The following ATP8A2 variants were observed in gnomAD, a reference collection of about 807,000 sequenced individuals.
ATP8A2 encodes the protein ATPase phospholipid transporting 8A2.
A neutral mutation model predicts 165.6 loss-of-function variants in ATP8A2; 100 were observed. That is an observed-to-expected ratio of 0.60 (90% CI 0.51 to 0.71). ATP8A2 has a LOEUF of 0.71. Among genes scored for constraint, ATP8A2 ranks in the 30% least tolerant of loss-of-function variants. ATP8A2 has a pLI of 0.00. For missense variants in ATP8A2, 1,227 were observed against 1,479.5 expected, an observed-to-expected ratio of 0.83 and a Z score of 2.80; for synonymous variants, 543 against 548.8, an observed-to-expected ratio of 0.99 and a Z score of 0.15.
rs551069667 is a variant in ATP8A2 at position 25,512,316 on chromosome 13, A to G, written c.222-17683A>G. ...GACACGGCAACCATCCGATTTCTCA[A>G]TCTTTTCCCCACCTTTCCCCCCTTT... is the stretch of plus-strand genomic sequence containing the variant. On this transcript the variant is annotated intron_variant, in intron 2 of 36. Transcript: ENST00000381655. 9.2e-5 allele frequency among the ~76,000 whole-genome samples: 14 copies of G among 152,158 alleles called. No individual in the cohort carries two copies. In the East Asian group the frequency reaches 1.9e-3, roughly 21 times the overall value.
At chr13:25,603,806 G>T (rs904887416) in intron 24 of ATP8A2, among the ~76,000 whole-genome samples, 4 of 152,190 alleles carry the variant, frequency 2.6e-5, no homozygotes, top group African/African-American at 9.7e-5. Context: ...ACCATAGGAG[G>T]AGCAGGTAAG....
chr13:25,789,628 G>A (rs995786701), intron 27 of ATP8A2, among the ~76,000 whole-genome samples: 3 of 152,180 alleles, frequency 2.0e-5, no homozygotes, highest in African/African-American at 7.2e-5. Flanking sequence ...TGGATAGGAA[G>A]AATCAGTAAA....
At chr13:25,712,287 A>T (rs1174289450) in intron 25 of ATP8A2, among the ~76,000 whole-genome samples, 1 of 152,204 alleles carries the variant, frequency 6.6e-6, no homozygotes, top group Non-Finnish European at 1.5e-5. Context: ...CCTATCTCTC[A>T]GTCTGCACAG....
chr13:25,959,414 A>T (rs1955605146), intron 33 of ATP8A2, among the ~76,000 whole-genome samples: 2 of 152,224 alleles, frequency 1.3e-5, no homozygotes, highest in Admixed American at 1.3e-4. Flanking sequence ...GGGGCCTGGG[A>T]CACCCCACTG....
At chr13:25,942,531 T>C (rs1955099262) in intron 33 of ATP8A2, among the ~76,000 whole-genome samples, 1 of 152,216 alleles carries the variant, frequency 6.6e-6, no homozygotes, top group Non-Finnish European at 1.5e-5. Context: ...CAAGCGATTC[T>C]CCTGCCTCAG....
At chr13:25,758,565 A>T (rs1224649413) in intron 25 of ATP8A2, among the ~76,000 whole-genome samples, 2 of 152,246 alleles carry the variant, frequency 1.3e-5, no homozygotes, top group Non-Finnish European at 2.9e-5. Context: ...TTAGTTATAA[A>T]AATGTGTTTC....
intron 10 of ATP8A2, among the ~76,000 whole-genome samples, chr13:25,544,910 G>T (rs1363381421): frequency 1.0e-4 from 14 of 136,136 alleles, no homozygotes; most frequent in African/African-American, 1.9e-4. Flanking sequence ...TTATGAGTGA[G>T]TTTTTTTTTT....
intron 1 of ATP8A2, among the ~76,000 whole-genome samples, chr13:25,466,375 C>T (rs1438920178): frequency 6.6e-6 from 1 of 152,102 alleles, no homozygotes; most frequent in Non-Finnish European, 1.5e-5. Flanking sequence ...TCCTAATCCA[C>T]ACCTCACCCA....
At chr13:25,913,090 G>T (rs183555320) in intron 33 of ATP8A2, among the ~76,000 whole-genome samples, 2 of 152,348 alleles carry the variant, frequency 1.3e-5, no homozygotes, top group African/African-American at 4.8e-5. Context: ...AGCAAAGTGA[G>T]CTGATCTCAT....
chr13:25,874,746 T>A (rs1952780350), intron 33 of ATP8A2, among the ~76,000 whole-genome samples: 1 of 152,070 alleles, frequency 6.6e-6, no homozygotes, highest in Admixed American at 6.5e-5. Flanking sequence ...AAACAGGGCC[T>A]CAAAAAGATA....
chr13:25,917,283 C>G (rs1954296920), intron 33 of ATP8A2, among the ~76,000 whole-genome samples: 1 of 152,180 alleles, frequency 6.6e-6, no homozygotes, highest in Non-Finnish European at 1.5e-5. Context: ...TGGTTTTCTT[C>G]CTTCCCTTGT....
At chr13:25,732,998 C>T (rs2043685402) in intron 25 of ATP8A2, among the ~76,000 whole-genome samples, 1 of 151,882 alleles carries the variant, frequency 6.6e-6, no homozygotes, top group Non-Finnish European at 1.5e-5. Context: ...GTAATTTTCC[C>T]ACAAGTAAGA....
intron 2 of ATP8A2, among the ~76,000 whole-genome samples, chr13:25,514,053 T>C (rs1225746848): frequency 6.6e-6 from 1 of 152,058 alleles, no homozygotes; most frequent in African/African-American, 2.4e-5. Flanking sequence ...GATATTGGTC[T>C]TGTATTTGTA....
At chr13:25,716,538 A>G (rs549838061) in intron 25 of ATP8A2, among the ~76,000 whole-genome samples, 3 of 152,228 alleles carry the variant, frequency 2.0e-5, no homozygotes, top group Admixed American at 2.0e-4. Context: ...TTGCACATGG[A>G]TATTCAGTTT....
chr13:25,530,485 G>A (rs772444934), intron 3 of ATP8A2, 77 bp from the exon 4 acceptor site: 8 of 810,114 alleles, frequency 9.9e-6, no homozygotes, highest in South Asian at 1.5e-5. Flanking sequence ...TGAAACGTAC[G>A]TGACTGCCGT....
intron 24 of ATP8A2, among the ~76,000 whole-genome samples, chr13:25,685,613 T>C (rs1208754671): frequency 6.6e-6 from 1 of 152,110 alleles, no homozygotes; most frequent in African/African-American, 2.4e-5. Flanking sequence ...AGAAGCCACA[T>C]TGAGGTGGGG....
Position 25,748,119 on chromosome 13 carries a change from G to C in ATP8A2, c.2385-20927G>C, listed in dbSNP as rs377164507. ...TATTTGTATCATCATATTTGTTTAA[G>C]CTCTGGGTTTCCAAAACAGTGTATA... On this transcript the variant is annotated intron_variant, in intron 25 of 36. Transcript: ENST00000381655. 2.0e-4 allele frequency among the ~76,000 whole-genome samples: 30 copies of C among 152,302 alleles called. No individual in the cohort carries two copies. The East Asian group carries it at 4.6e-3, about 23-fold the overall frequency.
chr13:25,539,481 A>G (rs1403510410), intron 7 of ATP8A2, among the ~76,000 whole-genome samples: 1 of 151,780 alleles, frequency 6.6e-6, no homozygotes, highest in Non-Finnish European at 1.5e-5. Context: ...CAGCATGCTC[A>G]TTATTAGTGT....
intron 2 of ATP8A2, among the ~76,000 whole-genome samples, chr13:25,526,426 C>A (rs1436345093): frequency 6.6e-6 from 1 of 152,112 alleles, no homozygotes; most frequent in Non-Finnish European, 1.5e-5. Context: ...TGTCTGGATT[C>A]TTTTGCTTTT....
Sources: allele counts gnomAD v4.1 joint callset (sites outside exome capture counted in the v4.1 genomes callset), GRCh38; gene constraint gnomAD v4.1.1; transcripts MANE v1.5; gene names NCBI Gene and HGNC (gene_info 2026-07-23, HGNC 2026-07-21).